ADGRL2: variants seen among roughly 807,000 people sequenced by gnomAD.
ADGRL2 encodes calcium-independent alpha-latrotoxin receptor 2.
A neutral mutation model predicts 157.4 loss-of-function variants in ADGRL2; 44 were observed. The ratio of observed to expected loss-of-function variants is 0.28; its 90% CI spans 0.22 to 0.36. The LOEUF (loss-of-function observed/expected upper bound fraction) is 0.36, where lower values mean the gene tolerates loss of function less well. Among genes scored for constraint, ADGRL2 ranks in the 10% least tolerant of loss-of-function variants. The pLI is 1.00. For missense variants in ADGRL2, 1,510 were observed against 1,768.9 expected, an observed-to-expected ratio of 0.85 and a Z score of 2.63; for synonymous variants, 585 against 624.7, an observed-to-expected ratio of 0.94 and a Z score of 0.95.
chr1:81,428,244 T>C (rs1042049945), intron 1 of ADGRL2, among the ~76,000 whole-genome samples: 1 of 152,122 alleles, frequency 6.6e-6, no homozygotes, highest in African/African-American at 2.4e-5. Flanking sequence ...GCAATGTGTG[T>C]TTTAGATAAA....
At position 81,677,626 on chromosome 1, in the gene ADGRL2, A is replaced by G. The variant is rs112788678; in HGVS notation, c.-142-84185A>G. The stretch of plus-strand genomic sequence containing the variant: ...CATTTCTATCTCCTAAATATCTCTC[A>G]ATTATATTTTCTTCTTTTCATCTTC... On this transcript the variant is annotated intron_variant, in intron 3 of 24. Transcript: ENST00000370721. Among the ~76,000 whole-genome samples the G allele has an allele frequency of 3.6e-3, 547 of 152,168 alleles. 4 individuals are homozygous for G. The highest frequency in any genetic ancestry group is 0.012 in the African/African-American group (510 of 41,514).
intron 1 of ADGRL2, among the ~76,000 whole-genome samples, chr1:81,310,392 T>C (rs1659663667): frequency 6.6e-6 from 1 of 152,218 alleles, no homozygotes; most frequent in Admixed American, 6.5e-5. Flanking sequence ...ACTGTGTTTA[T>C]TTGACCTGTG....
At chr1:81,910,569 T>C (rs2094696806) in intron 3 of ADGRL2, among the ~76,000 whole-genome samples, 1 of 151,394 alleles carries the variant, frequency 6.6e-6, no homozygotes, top group African/African-American at 2.4e-5. Context: ...TACAGAAAAC[T>C]GCTGAGAATG....
At chr1:81,863,988 G>A (rs2093462388) in intron 2 of ADGRL2, among the ~76,000 whole-genome samples, 3 of 152,066 alleles carry the variant, frequency 2.0e-5, no homozygotes, top group Admixed American at 2.0e-4. Context: ...GATATTAAGT[G>A]GTAATCTATT....
rs1376452815 is a variant in ADGRL2, at chr1:81,992,945, A to G, written c.*1800A>G. Among the ~76,000 whole-genome samples, 5 of 150,128 alleles carry G rather than the reference A, an allele frequency of 3.3e-5. No individual in the cohort carries two copies. Among genetic ancestry groups the G allele is most frequent in the Non-Finnish European group, 5.9e-5 (4 of 67,696 alleles). On this transcript the variant is annotated 3_prime_UTR_variant, in exon 24 of 24. Transcript: ENST00000686636. ...TTATTCTAAAGCTTAATGGTTTGCT[A>G]TAATTCTCAAATACTACCACTAGCT...
At chr1:81,496,291 A>G (rs1251862298) in intron 2 of ADGRL2, among the ~76,000 whole-genome samples, 4 of 152,208 alleles carry the variant, frequency 2.6e-5, no homozygotes, top group Non-Finnish European at 5.9e-5. Context: ...TGCAACCAAT[A>G]AAACCTTTTA....
chr1:81,443,729 G>A (rs2077550749), intron 1 of ADGRL2, among the ~76,000 whole-genome samples: 1 of 152,194 alleles, frequency 6.6e-6, no homozygotes, highest in Non-Finnish European at 1.5e-5. Context: ...AATTGTAACT[G>A]CTGCATCTCA....
intron 1 of ADGRL2, among the ~76,000 whole-genome samples, chr1:81,709,710 C>T (rs759809565): frequency 3.3e-5 from 5 of 151,978 alleles, no homozygotes; most frequent in Non-Finnish European, 7.4e-5. Context: ...TCTCTCTTCT[C>T]CACACTATTA....
At chr1:81,498,125 G>A (rs1238305463) in intron 2 of ADGRL2, among the ~76,000 whole-genome samples, 2 of 152,240 alleles carry the variant, frequency 1.3e-5, no homozygotes, top group East Asian at 1.9e-4. Context: ...ATTGGTAGAT[G>A]GATGGTAAAG....
At chr1:81,640,556 C>T (rs1570710413) in intron 3 of ADGRL2, among the ~76,000 whole-genome samples, 1 of 151,584 alleles carries the variant, frequency 6.6e-6, no homozygotes, top group African/African-American at 2.4e-5. Context: ...CACTTGAACC[C>T]GGGAGGCGGA....
At chr1:81,464,137 C>T (rs953071238) in intron 2 of ADGRL2, among the ~76,000 whole-genome samples, 1 of 152,186 alleles carries the variant, frequency 6.6e-6, no homozygotes, top group Non-Finnish European at 1.5e-5. Context: ...GTGGAAACTC[C>T]CGTCAAATAC....
At chr1:81,315,771 T>G (rs997730772) in intron 1 of ADGRL2, among the ~76,000 whole-genome samples, 1 of 22,988 alleles carries the variant, frequency 4.4e-5, no homozygotes, top group African/African-American at 2.7e-4. Flanking sequence ...GGCAATTAGT[T>G]TTTTTTTTTG....
intron 3 of ADGRL2, among the ~76,000 whole-genome samples, chr1:81,657,466 T>C (rs2082560216): frequency 6.6e-6 from 1 of 152,196 alleles, no homozygotes; most frequent in African/African-American, 2.4e-5. Context: ...TATTTTGTTA[T>C]AGCAGCCCAA....
At position 81,981,519 on chromosome 1, in the gene ADGRL2, G is replaced by A. The variant is rs568036278; in HGVS notation, c.3114-289G>A. 5.3e-5 allele frequency among the ~76,000 whole-genome samples: 8 copies of A among 151,990 alleles called. No individual in the cohort carries two copies. In the South Asian group the frequency reaches 1.4e-3, roughly 28 times the overall value. On this transcript the variant is annotated intron_variant, in intron 18 of 23. Coordinates refer to ENST00000686636, the MANE Select transcript of ADGRL2 (RefSeq NM_001366006.2). The stretch of plus-strand genomic sequence containing the variant: ...TTCTTTTATCAAAATGCACATAAAA[G>A]ACAAAGTCATAGGGGATATGTTACA...
At chr1:81,868,594 C>T (rs865962030) in intron 2 of ADGRL2, among the ~76,000 whole-genome samples, 9 of 151,980 alleles carry the variant, frequency 5.9e-5, no homozygotes, top group Admixed American at 3.3e-4. Flanking sequence ...TGCCTAGGAT[C>T]GTTGTCTCCT....
chr1:81,772,522 A>G (rs1473475984), intron 2 of ADGRL2, among the ~76,000 whole-genome samples: 2 of 152,022 alleles, frequency 1.3e-5, no homozygotes, highest in African/African-American at 4.8e-5. Flanking sequence ...TGAGGTCAGG[A>G]GTTCGAGACC....
chr1:81,844,470 A>G (rs2092711357), intron 2 of ADGRL2, among the ~76,000 whole-genome samples: 1 of 152,252 alleles, frequency 6.6e-6, no homozygotes, highest in South Asian at 2.1e-4. Flanking sequence ...CCACATCAGA[A>G]GACTATTGTA....
intron 3 of ADGRL2, among the ~76,000 whole-genome samples, chr1:81,928,348 T>A (rs2095156449): frequency 6.6e-6 from 1 of 152,114 alleles, no homozygotes; most frequent in Non-Finnish European, 1.5e-5. Flanking sequence ...GATTGAGGCA[T>A]AATTGGATGT....
chr1:81,710,358 C>T (rs1285702022), intron 1 of ADGRL2, among the ~76,000 whole-genome samples: 2 of 152,068 alleles, frequency 1.3e-5, no homozygotes, highest in Non-Finnish European at 2.9e-5. Context: ...GGCATGGTGG[C>T]TCATGCCTAT....
Sources: gnomAD v4.1 joint callset for allele counts (sites outside exome capture counted in the v4.1 genomes callset) on GRCh38, gnomAD v4.1.1 for gene constraint, MANE v1.5 for transcripts, NCBI Gene and HGNC (gene_info 2026-07-23, HGNC 2026-07-21) for gene names.